The following NAALADL2 variants were observed in gnomAD, a reference collection of about 807,000 sequenced individuals.
NAALADL2 encodes inactive N-acetylated-alpha-linked acidic dipeptidase-like protein 2.
A neutral mutation model predicts 87.2 loss-of-function variants in NAALADL2; 76 were observed. The ratio of observed to expected loss-of-function variants is 0.87; its 90% CI spans 0.72 to 1.05. NAALADL2 has a LOEUF of 1.05. Ranked by LOEUF, NAALADL2 falls within the 50% of genes least tolerant of loss-of-function variation. NAALADL2 has a pLI of 0.00. For synonymous variants in NAALADL2, 354 were observed against 331.0 expected (o/e 1.07, Z -0.75); for missense variants, 1,089 against 945.8 (o/e 1.15, Z -1.99).
rs1165151134 is a variant in NAALADL2 at position 175,167,309 on chromosome 3, G to A, written c.546-66622G>A. Among the ~76,000 whole-genome samples, 6 of 152,074 alleles carry A rather than the reference G, an allele frequency of 3.9e-5. No homozygotes were observed. The South Asian group carries it at 1.2e-3, about 32-fold the overall frequency. ...TCCTGCCATGCTACAGCTAGAGTGA[G>A]CTCTCTCAATACAAATATTATGTCA... is the stretch of plus-strand genomic sequence containing the variant. On this transcript the variant is annotated intron_variant, in intron 2 of 13. Transcript: ENST00000454872.
chr3:175,206,217 G>C (rs867269410), intron 2 of NAALADL2, among the ~76,000 whole-genome samples: 1 of 145,940 alleles, frequency 6.9e-6, no homozygotes, highest in Admixed American at 6.9e-5. Context: ...CAATCAATGA[G>C]AGGATAAAGA....
At chr3:175,423,051 A>ATATATATAT (rs1458599872) in intron 5 of NAALADL2, among the ~76,000 whole-genome samples, 31 of 91,504 alleles carry the variant, frequency 3.4e-4, no homozygotes, top group Non-Finnish European at 4.2e-4. Context: ...ATATATATAT[A>ATATATATAT]TTTTTTTTTT....
intron 3 of NAALADL2, among the ~76,000 whole-genome samples, chr3:174,834,155 T>G (rs2109386462): frequency 6.7e-6 from 1 of 149,294 alleles, no homozygotes; most frequent in African/African-American, 2.5e-5. Flanking sequence ...CATTTAACAC[T>G]TGAAAATCAA....
chr3:174,648,361 T>C (rs1724019283), intron 2 of NAALADL2, among the ~76,000 whole-genome samples: 1 of 151,866 alleles, frequency 6.6e-6, no homozygotes, highest in Non-Finnish European at 1.5e-5. Flanking sequence ...AACAAACCTT[T>C]GTCATAGCTA....
chr3:175,743,144 G>A (rs894306862), intron 12 of NAALADL2, among the ~76,000 whole-genome samples: 1 of 152,146 alleles, frequency 6.6e-6, no homozygotes, highest in Non-Finnish European at 1.5e-5. Flanking sequence ...GGGATTACAG[G>A]CATGCACCAC....
intron 9 of NAALADL2, among the ~76,000 whole-genome samples, chr3:175,553,114 A>G (rs375431546): frequency 6.6e-5 from 10 of 152,246 alleles, no homozygotes; most frequent in Non-Finnish European, 1.3e-4. Context: ...CTCAGTGTGT[A>G]TTTGCTGAGC....
intron 1 of NAALADL2, among the ~76,000 whole-genome samples, chr3:175,042,655 G>T (rs1054027770): frequency 1.3e-5 from 2 of 152,116 alleles, no homozygotes; most frequent in African/African-American, 4.8e-5. Context: ...ATATCTCACT[G>T]AGATTTTGAT....
chr3:175,036,804 CT>C (rs10662446), intron 1 of NAALADL2, among the ~76,000 whole-genome samples: 3,748 of 117,314 alleles, frequency 0.032, 133 homozygotes, highest in African/African-American at 0.1. Flanking sequence ...TCCATCTGTT[CT>C]TTTTTTTTTT....
intron 3 of NAALADL2, among the ~76,000 whole-genome samples, chr3:174,796,146 A>G (rs575650778): frequency 5.3e-5 from 8 of 152,204 alleles, no homozygotes; most frequent in Non-Finnish European, 1.0e-4. Context: ...AAGAAACGGC[A>G]TGTGAGGACA....
At chr3:175,627,036 T>C (rs1489198301) in intron 10 of NAALADL2, among the ~76,000 whole-genome samples, 1 of 151,872 alleles carries the variant, frequency 6.6e-6, no homozygotes, top group African/African-American at 2.4e-5. Context: ...CACATTTCTA[T>C]AATTGCTAAA....
intron 3 of NAALADL2, among the ~76,000 whole-genome samples, chr3:174,816,777 C>T (rs1720860510): frequency 6.6e-6 from 1 of 151,930 alleles, no homozygotes. Flanking sequence ...TTTCTTGAGC[C>T]CCTAGCCCTG....
chr3:175,312,273 G>T (rs993772640), intron 4 of NAALADL2, among the ~76,000 whole-genome samples: 8 of 152,068 alleles, frequency 5.3e-5, no homozygotes, highest in Non-Finnish European at 1.0e-4. Flanking sequence ...TTTCACATAT[G>T]CTAGACCTAT....
At chr3:175,785,052 C>T (rs1255811027) in intron 13 of NAALADL2, among the ~76,000 whole-genome samples, 2 of 151,090 alleles carry the variant, frequency 1.3e-5, no homozygotes, top group Admixed American at 1.3e-4. Context: ...AGTTTGATTG[C>T]ACTGTGGTCT....
intron 1 of NAALADL2, among the ~76,000 whole-genome samples, chr3:174,483,075 C>T (rs1409976709): frequency 6.6e-6 from 1 of 151,992 alleles, no homozygotes; most frequent in Non-Finnish European, 1.5e-5. Flanking sequence ...TCCAACCCCT[C>T]CTTGAGTAAA....
chr3:175,036,408 C>CT (rs553049096), intron 1 of NAALADL2, among the ~76,000 whole-genome samples: 24 of 144,948 alleles, frequency 1.7e-4, no homozygotes, highest in African/African-American at 3.8e-4. Flanking sequence ...TTTTCTTTTT[C>CT]TTTTTTTTTG....
intron 9 of NAALADL2, among the ~76,000 whole-genome samples, chr3:175,488,234 G>A (rs1236550251): frequency 6.6e-6 from 1 of 152,122 alleles, no homozygotes; most frequent in Non-Finnish European, 1.5e-5. Context: ...AAGATTGTGG[G>A]CACACATAAT....
At chr3:175,022,273 G>A (rs917667967) in intron 1 of NAALADL2, among the ~76,000 whole-genome samples, 11 of 151,926 alleles carry the variant, frequency 7.2e-5, no homozygotes, top group African/African-American at 2.4e-4. Flanking sequence ...ATACAAAATG[G>A]ACTAATCATA....
At chr3:175,513,807 A>G (rs551458704) in intron 9 of NAALADL2, among the ~76,000 whole-genome samples, 4 of 152,328 alleles carry the variant, frequency 2.6e-5, no homozygotes, top group African/African-American at 7.2e-5. Context: ...ATTAAATTAT[A>G]CAAAGGGTCA....
intron 12 of NAALADL2, among the ~76,000 whole-genome samples, chr3:175,742,509 T>G (rs985463524): frequency 3.9e-5 from 5 of 128,296 alleles, no homozygotes; most frequent in African/African-American, 1.6e-4. Flanking sequence ...GCCATTCTCC[T>G]GCCTCAGCCT....
Sources: gnomAD v4.1 joint callset for allele counts (sites outside exome capture counted in the v4.1 genomes callset) on GRCh38, gnomAD v4.1.1 for gene constraint, MANE v1.5 for transcripts, NCBI Gene and HGNC (gene_info 2026-07-23, HGNC 2026-07-21) for gene names.